RGS5: variants seen among roughly 807,000 people sequenced by gnomAD.
The protein encoded by RGS5 is regulator of G-protein signalling 5.
RGS5 carries 20 observed loss-of-function variants against 18.9 expected under a neutral mutation model. The ratio of observed to expected loss-of-function variants is 1.06; its 90% confidence interval spans 0.74 to 1.54. The LOEUF (loss-of-function observed/expected upper bound fraction) is 1.54. Ranked by LOEUF, RGS5 falls within the 40% of genes most tolerant of loss-of-function variation. The pLI is 0.00. For missense variants in RGS5, 201 were observed against 211.8 expected, an observed-to-expected ratio of 0.95 and a Z score of 0.32; for synonymous variants, 57 against 76.2, an observed-to-expected ratio of 0.75 and a Z score of 1.31.
At chr1:163,321,032 A>T (rs1169616570) in intron 1 of RGS5, among the ~76,000 whole-genome samples, 1 of 152,170 alleles carries the variant, frequency 6.6e-6, no homozygotes, top group Non-Finnish European at 1.5e-5. Flanking sequence ...TCCCCTGACA[A>T]CCAGGCCTGC....
intron 2 of RGS5, among the ~76,000 whole-genome samples, chr1:163,280,721 C>G (rs1187162073): frequency 1.3e-5 from 2 of 151,782 alleles, no homozygotes; most frequent in Non-Finnish European, 2.9e-5. Context: ...CAATTCCTAC[C>G]CAAAGTAATC....
At chr1:163,247,919 A>G (rs1416271094) in intron 2 of RGS5, among the ~76,000 whole-genome samples, 2 of 152,168 alleles carry the variant, frequency 1.3e-5, no homozygotes, top group Non-Finnish European at 2.9e-5. Flanking sequence ...ACATTTTCTT[A>G]GTTTTTCCTA....
Position 163,257,513 on chromosome 1 carries a change from C to G in RGS5, c.-281+48720G>C, listed in dbSNP as rs542961052. On this transcript the variant is annotated intron_variant, in intron 2 of 5. Transcript: ENST00000618415. ...CCATCAAACGCCCAAATTTTTCCCTCTATTTCCATGTTACTACTTTTTTCA... is the reference window on the plus strand; with the variant it reads ...CCATCAAACGCCCAAATTTTTCCCTGTATTTCCATGTTACTACTTTTTTCA... Among the ~76,000 whole-genome samples, 14 of 152,316 alleles carry G rather than the reference C, an allele frequency of 9.2e-5. No individual in the cohort carries two copies. In the South Asian group the frequency reaches 1.9e-3, roughly 20 times the overall value.
intron 2 of RGS5, among the ~76,000 whole-genome samples, chr1:163,227,905 T>A (rs1647374523): frequency 6.6e-6 from 1 of 152,108 alleles, no homozygotes; most frequent in Admixed American, 6.5e-5. Context: ...TCTAAAATGA[T>A]CTCCTTTAAT....
rs1648810261 is a variant in RGS5 at position 163,274,811 on chromosome 1, T to G, written c.-281+31422A>C. ...AAAACACCTCAGAGCTAGAGATGCA[T>G]TCAAAGTTCAAGGTGGCCTGGTATC... On this transcript the variant is annotated intron_variant, in intron 2 of 5. Coordinates refer to the RGS5 transcript ENST00000618415. 2.0e-5 allele frequency among the ~76,000 whole-genome samples: 3 copies of G among 152,138 alleles called. No homozygotes were observed. In the South Asian group the frequency reaches 6.2e-4, roughly 32 times the overall value.
At position 163,210,001 on chromosome 1, in the gene RGS5, T is replaced by C. The variant is rs1233045417; in HGVS notation, c.69+7525A>G. Among the ~76,000 whole-genome samples, 3 of 152,128 alleles carry C rather than the reference T, an allele frequency of 2.0e-5. No homozygotes were observed. The East Asian group carries it at 5.8e-4, about 29-fold the overall frequency. ...TTTTCTGTATGTCTTTATTCTTTTT[T>C]TTTTCTGGGACAGGGTCTGGCTCTA... On this transcript the variant is annotated intron_variant, in intron 1 of 5. Transcript: ENST00000367903.
At chr1:163,219,080 A>T (rs534823710), upstream of RGS5, among the ~76,000 whole-genome samples, 151 of 152,140 alleles carry the variant, frequency 9.9e-4, no homozygotes, top group African/African-American at 3.6e-3. Context: ...GCATTTCACT[A>T]CATTTTTATT....
chr1:163,217,000 G>T (rs1212219440), intron 1 of RGS5, among the ~76,000 whole-genome samples: 2 of 152,050 alleles, frequency 1.3e-5, no homozygotes, highest in Non-Finnish European at 2.9e-5. Flanking sequence ...ACCAAATACC[G>T]CATGGTCTCA....
intron 1 of RGS5, among the ~76,000 whole-genome samples, chr1:163,308,903 A>G (rs7540537): frequency 0.41 from 62,948 of 151,778 alleles, 13,490 homozygotes; most frequent in South Asian, 0.5. Context: ...TGTTAAATGT[A>G]CAAAAATATT....
At chr1:163,178,731 A>T (rs913721066) in intron 1 of RGS5, among the ~76,000 whole-genome samples, 3 of 152,170 alleles carry the variant, frequency 2.0e-5, no homozygotes. Flanking sequence ...ACACACAAAG[A>T]TTGCTTAAAC....
chr1:163,178,525 A>C (rs1191564255), intron 1 of RGS5, among the ~76,000 whole-genome samples: 1 of 152,104 alleles, frequency 6.6e-6, no homozygotes, highest in African/African-American at 2.4e-5. Flanking sequence ...AGTACGCCTA[A>C]TGAGACTTGA....
intron 2 of RGS5, among the ~76,000 whole-genome samples, chr1:163,299,238 G>C (rs1387713440): frequency 1.3e-5 from 2 of 152,288 alleles, no homozygotes; most frequent in African/African-American, 4.8e-5. Flanking sequence ...TAAAATGTTA[G>C]TCTTCTGTTC....
chr1:163,314,719 G>A (rs1182894260), intron 1 of RGS5, among the ~76,000 whole-genome samples: 1 of 152,090 alleles, frequency 6.6e-6, no homozygotes, highest in Non-Finnish European at 1.5e-5. Context: ...TTAGGAGGTG[G>A]GGCCTCTGAG....
intron 2 of RGS5, chr1:163,248,273 C>T (rs1429114117): frequency 1.3e-5 from 2 of 152,012 alleles, no homozygotes; most frequent in African/African-American, 4.8e-5. Context: ...GACTGATTAC[C>T]AGGCCCTGGG....
At chr1:163,286,308 T>C (rs1351638022) in intron 2 of RGS5, among the ~76,000 whole-genome samples, 1 of 152,114 alleles carries the variant, frequency 6.6e-6, no homozygotes, top group African/African-American at 2.4e-5. Context: ...TGAGCATTAG[T>C]AGATTTTAGT....
intron 1 of RGS5, among the ~76,000 whole-genome samples, chr1:163,217,135 T>C (rs1298218592): frequency 6.6e-6 from 1 of 152,170 alleles, no homozygotes; most frequent in East Asian, 1.9e-4. Flanking sequence ...TATTGAGTAC[T>C]AGGTTTAGTG....
intron 2 of RGS5, among the ~76,000 whole-genome samples, chr1:163,280,693 C>T (rs1004551652): frequency 2.0e-5 from 3 of 151,984 alleles, no homozygotes; most frequent in South Asian, 2.1e-4. Context: ...ACTAGCAAAG[C>T]AATCTATAGA....
In RGS5 at chr1:163,228,606, A is replaced by G. The variant is rs576660579; in HGVS notation, c.-280-60238T>C. On this transcript the variant is annotated intron_variant, in intron 2 of 5. Transcript: ENST00000618415. ...TTTCCCCATTGTCTTGGTGATTAAC[A>G]TTTGGCTCCTGATTACTTATGTAAA... Among the ~76,000 whole-genome samples the G allele has an allele frequency of 2.3e-3, 356 of 152,260 alleles. 1 individual carries two copies. The highest frequency in any genetic ancestry group is 4.1e-3 in the Non-Finnish European group (279 of 68,026).
chr1:163,285,645 T>C (rs561085512), intron 2 of RGS5, among the ~76,000 whole-genome samples: 1 of 152,238 alleles, frequency 6.6e-6, no homozygotes, highest in East Asian at 1.9e-4. Context: ...ATGTGGAATG[T>C]CAATTCCCAG....
Sources: gnomAD v4.1 joint callset for allele counts (sites outside exome capture counted in the v4.1 genomes callset) on GRCh38, gnomAD v4.1.1 for gene constraint, MANE v1.5 for transcripts, NCBI Gene and HGNC (gene_info 2026-07-23, HGNC 2026-07-21) for gene names.